The following LSS variants were observed in gnomAD, a reference collection of about 807,000 sequenced individuals.
LSS encodes lanosterol synthase.
Under a neutral mutation model 110.3 loss-of-function variants are expected in LSS, and 90 were observed. The ratio of observed to expected loss-of-function variants is 0.82; its 90% CI spans 0.69 to 0.97. LSS has a LOEUF of 0.97. Among genes scored for constraint, LSS ranks in the 50% least tolerant of loss-of-function variants. The pLI, the probability that LSS is intolerant of heterozygous loss-of-function variation, is 0.00. For synonymous variants in LSS, 433 were observed against 400.0 expected, an observed-to-expected ratio of 1.08 and a Z score of -0.98; for missense variants, 927 against 990.0, an observed-to-expected ratio of 0.94 and a Z score of 0.85.
chr21:46,228,301 C>T, intron 2 of LSS, 133 bp downstream of exon 2: 1 of 1,019,484 alleles, frequency 9.8e-7, no homozygotes, highest in Non-Finnish European at 1.4e-6. Context: ...GAACGCAGTT[C>T]CCGTGGGCGC....
At chr21:46,197,427 T>A (rs1356913280) in intron 17 of LSS, among the ~76,000 whole-genome samples, 1 of 152,156 alleles carries the variant, frequency 6.6e-6, no homozygotes, top group East Asian at 1.9e-4. Flanking sequence ...TATAAATGAA[T>A]GCAACTAAAT....
Position 46,188,619 on chromosome 21 carries a change from C to G in LSS, c.*2485G>C, listed in dbSNP as rs1169669190. The G allele has an allele frequency of 1.1e-5, 5 of 470,664 alleles. No individual in the cohort carries two copies. The East Asian group carries it at 2.8e-4, about 26-fold the overall frequency. The allele number at this position is 470,664 out of a possible 1,614,324, so 29.2% of individuals were successfully genotyped here. A position where few individuals can be genotyped will look rare whatever the true frequency, so the allele number is the denominator to read the frequency against. ...CACCGAGAAGCCGACGGGGGAGGAA[C>G]AGACTCCTCTGCATTGTGATCCAAT... On this transcript the variant is annotated 3_prime_UTR_variant, in exon 22 of 22. Transcript: ENST00000397728.
intron 3 of LSS, among the ~76,000 whole-genome samples, chr21:46,225,882 C>T (rs2080333536): frequency 6.6e-6 from 1 of 152,186 alleles, no homozygotes; most frequent in South Asian, 2.1e-4. Context: ...TTCAGGGCCA[C>T]TACCGGTTTC....
chr21:46,189,271 C>T lies in LSS; in HGVS notation c.*1833G>A, dbSNP rs563634768. Reference sequence around the variant, plus strand: ...TGACCATGGCTAGGAGTCCCAGGGACAGCAGCCTCTGCTCAGGGCAGACTC... The same window carrying T: ...TGACCATGGCTAGGAGTCCCAGGGATAGCAGCCTCTGCTCAGGGCAGACTC... On this transcript the variant is annotated 3_prime_UTR_variant, in exon 22 of 22. Coordinates refer to ENST00000397728, the MANE Select transcript of LSS (RefSeq NM_002340.6). 5 of 228,278 alleles carry T rather than the reference C, an allele frequency of 2.2e-5. No homozygotes were observed. Among genetic ancestry groups the T allele is most frequent in the Non-Finnish European group, 4.4e-5 (5 of 113,362 alleles). The allele number at this position is 228,278 out of a possible 1,614,324, so 14.1% of individuals were successfully genotyped here.
At chr21:46,191,333 G>A (rs1046878963) in intron 21 of LSS, 98 bp from the exon 22 acceptor site, 3 of 1,395,892 alleles carry the variant, frequency 2.1e-6, no homozygotes, top group Non-Finnish European at 2.0e-6. Context: ...CTGGCTTGTG[G>A]GTGAGTCAGC....
Position 46,209,436 on chromosome 21 carries a change from G to T in LSS, c.1266+118C>A. On this transcript the variant is annotated intron_variant, in intron 13 of 21. Transcript: ENST00000397728. The surrounding 1 kb of genome is among the most constrained non-coding windows in gnomAD (Gnocchi z 4.4). ...GGGGATGGGAGGGTGGGGGTGACCT[G>T]AAACACCAGTGCAGGAAATAGGGCA... 1 of 923,578 alleles carries T rather than the reference G, an allele frequency of 1.1e-6. No individual in the cohort carries two copies. Among genetic ancestry groups the T allele is most frequent in the Non-Finnish European group, 1.6e-6 (1 of 619,402 alleles). The allele number at this position is 923,578 out of a possible 1,614,324, so 57.2% of individuals were successfully genotyped here. A position where few individuals can be genotyped will look rare whatever the true frequency, so the allele number is the denominator to read the frequency against.
At chr21:46,222,860 C>G (rs1205388566) in intron 3 of LSS, 122 bp from the exon 4 acceptor site, 4 of 706,940 alleles carry the variant, frequency 5.7e-6, no homozygotes, top group Non-Finnish European at 9.6e-6. Context: ...AAAAACACCC[C>G]CTGGAAAGGC....
intron 13 of LSS, among the ~76,000 whole-genome samples, chr21:46,208,586 C>T (rs1018947446): frequency 6.6e-6 from 1 of 152,176 alleles, no homozygotes; most frequent in Non-Finnish European, 1.5e-5. Context: ...ATCTCCCCAC[C>T]GGCCAGAAGG....
chr21:46,199,265 T>C (rs978447103), intron 17 of LSS, among the ~76,000 whole-genome samples: 1 of 152,246 alleles, frequency 6.6e-6, no homozygotes, highest in African/African-American at 2.4e-5. Context: ...CAAATAACTA[T>C]ATGACAAGAT....
chr21:46,200,877 T>TA (rs1451682190), intron 17 of LSS, among the ~76,000 whole-genome samples: 5 of 152,272 alleles, frequency 3.3e-5, no homozygotes, highest in Admixed American at 6.5e-5. Flanking sequence ...CATTCTGACT[T>TA]ACACTTGCAC....
chr21:46,191,963 G>A lies in LSS; in HGVS notation c.1989-4C>T, dbSNP rs1271041947. The A allele has an allele frequency of 1.9e-6, 3 of 1,611,224 alleles. No individual in the cohort carries two copies. Among genetic ancestry groups the A allele is most frequent in the Admixed American group, 3.3e-5 (2 of 59,892 alleles). On this transcript the variant is annotated splice_polypyrimidine_tract_variant and splice_region_variant and intron_variant, in intron 20 of 21. Transcript: ENST00000397728. Reference sequence around the variant, plus strand: ...CTGGGCCTCGATGTCAGGATGCCTGGTGGAAGAGAAGGCTGAAACACACCC... The same window carrying A: ...CTGGGCCTCGATGTCAGGATGCCTGATGGAAGAGAAGGCTGAAACACACCC...
Position 46,209,138 on chromosome 21 carries a change from C to T in LSS, c.1266+416G>A, listed in dbSNP as rs1054120637. Among the ~76,000 whole-genome samples the T allele has an allele frequency of 2.0e-5, 3 of 152,092 alleles. No homozygotes were observed. The highest frequency in any genetic ancestry group is 7.2e-5 in the African/African-American group (3 of 41,424). On this transcript the variant is annotated intron_variant, in intron 13 of 21. Transcript: ENST00000397728. This position sits in a 1 kb window ranked among gnomAD's most constrained non-coding sequence, Gnocchi z 4.4. Reference sequence around the variant, plus strand: ...GGGCAGCTGATCTGGCAGGAGGGACCGGGGCTTTTGCTGCAAACAGTCTCA... The same window carrying T: ...GGGCAGCTGATCTGGCAGGAGGGACTGGGGCTTTTGCTGCAAACAGTCTCA...
rs1368501504 is a variant in LSS at position 46,215,785 on chromosome 21, A to G, written c.792T>C (p.Tyr264=). Residue 264 remains tyrosine (Y), a synonymous_variant, in exon 8 of 22, where the codon TAT becomes TAC. Transcript: ENST00000397728. ...PLVQSLRQEL[Y]VEDFASIDWL... is the part of the protein sequence containing the mutation. Reference sequence around the variant, plus strand: ...AGTCAATGCTGGCGAAGTCCTCCACATAGAGCTCCTGGTGGGGGCAGTGTC... The same window carrying G: ...AGTCAATGCTGGCGAAGTCCTCCACGTAGAGCTCCTGGTGGGGGCAGTGTC... 1 of 1,608,618 alleles carries G rather than the reference A, an allele frequency of 6.2e-7. No homozygotes were observed. The highest frequency in any genetic ancestry group is 8.5e-7 in the Non-Finnish European group (1 of 1,176,238).
intron 20 of LSS, chr21:46,192,510 G>A (rs116474329): frequency 0.048 from 21,723 of 454,212 alleles, 754 homozygotes; most frequent in Middle Eastern, 0.11. Flanking sequence ...TGTTGCGGGT[G>A]CATCTGTATG....
chr21:46,214,674 G>A (rs1369286627), intron 9 of LSS, among the ~76,000 whole-genome samples: 1 of 152,170 alleles, frequency 6.6e-6, no homozygotes, highest in African/African-American at 2.4e-5. Context: ...ACCCTCTAAG[G>A]TCACTGAACT....
At chr21:46,223,398 G>T (rs1321245114) in intron 3 of LSS, among the ~76,000 whole-genome samples, 1 of 152,184 alleles carries the variant, frequency 6.6e-6, no homozygotes, top group African/African-American at 2.4e-5. Context: ...GCCTGGCACG[G>T]GACAGGTCTC....
At position 46,216,269 on chromosome 21, in the gene LSS, G is replaced by C; in HGVS notation, c.783+120C>G. 1 of 1,274,660 alleles carries C rather than the reference G, an allele frequency of 7.8e-7. No homozygotes were observed. Among genetic ancestry groups the C allele is most frequent in the Non-Finnish European group, 1.1e-6 (1 of 892,494 alleles). 79.0% of individuals were successfully genotyped at this position (1,274,660 alleles called of 1,614,324 possible). A position where few individuals can be genotyped will look rare whatever the true frequency, so the allele number is the denominator to read the frequency against. The stretch of plus-strand genomic sequence containing the variant: ...AGGAAGGTGGAGGCTCTGCTCCACA[G>C]GGCTCTCCGCTCCACAGGGCCACCA... On this transcript the variant is annotated intron_variant, in intron 7 of 21. Transcript: ENST00000397728. This position sits in a 1 kb window ranked among gnomAD's most constrained non-coding sequence, Gnocchi z 4.2.
intron 6 of LSS, among the ~76,000 whole-genome samples, chr21:46,218,140 C>A (rs570507811): frequency 2.6e-4 from 29 of 113,312 alleles, no homozygotes; most frequent in Non-Finnish European, 1.8e-5. Context: ...ACACAAGGGA[C>A]CCCCCCAGCC....
In LSS at chr21:46,194,948, G is replaced by A. The variant is rs571302912; in HGVS notation, c.1818-287C>T. Among the ~76,000 whole-genome samples, 3 of 152,366 alleles carry A rather than the reference G, an allele frequency of 2.0e-5. No individual in the cohort carries two copies. In the East Asian group the frequency reaches 5.8e-4, roughly 29 times the overall value. On this transcript the variant is annotated intron_variant, in intron 19 of 21. Transcript: ENST00000397728. Reference sequence around the variant, plus strand: ...TGAGTGAGGTCTGCAGTGCTTGGGAGCAGCGTCTCACAAGCTGCACTCAGC... The same window carrying A: ...TGAGTGAGGTCTGCAGTGCTTGGGAACAGCGTCTCACAAGCTGCACTCAGC...
Sources: gnomAD v4.1 joint callset for allele counts (sites outside exome capture counted in the v4.1 genomes callset) on GRCh38, gnomAD v4.1.1 for gene constraint, Gnocchi (gnomAD v3.1) non-coding constraint, MANE v1.5 for transcripts, NCBI Gene and HGNC (gene_info 2026-07-23, HGNC 2026-07-21) for gene names.